The following FGFR2 variants were observed in gnomAD, a reference collection of about 807,000 sequenced individuals.
FGFR2 encodes fibroblast growth factor receptor 2, also known as BEK fibroblast growth factor receptor.
Under a neutral mutation model 95.9 loss-of-function variants are expected in FGFR2, and 19 were observed. That is an observed-to-expected ratio of 0.20 (90% confidence interval 0.14 to 0.29). The LOEUF (loss-of-function observed/expected upper bound fraction) is 0.29, where lower values mean the gene tolerates loss of function less well. FGFR2 is among the 10% of genes least tolerant of loss of function. The pLI is 1.00. For missense variants in FGFR2, 707 were observed against 1,056.9 expected (o/e 0.67, Z 4.59); for synonymous variants, 392 against 393.3 (o/e 1.00, Z 0.04).
At position 121,588,052 on chromosome 10, in the gene FGFR2, C is replaced by T. The variant is rs968696458; in HGVS notation, c.109+5657G>A. 3.9e-5 allele frequency among the ~76,000 whole-genome samples: 6 copies of T among 152,292 alleles called. No homozygotes were observed. The East Asian group carries it at 1.2e-3, about 29-fold the overall frequency. On this transcript the variant is annotated intron_variant, in intron 2 of 17. Coordinates refer to ENST00000358487, the MANE Select transcript of FGFR2 (RefSeq NM_000141.5). ...TGTAGTACATATACAACATAGAATA[C>T]TATGCAGCCATAAAAAAGAGCAAGA...
intron 2 of FGFR2, among the ~76,000 whole-genome samples, chr10:121,577,178 T>TATATATATATACAGAGAGAGAGAGAG: frequency 3.8e-4 from 2 of 5,214 alleles, no homozygotes; most frequent in African/African-American, 1.6e-3. Flanking sequence ...TATATATATA[T>TATATATATATACAGAGAGAGAGAGAG]AGAGAGAGAG....
chr10:121,577,741 C>T (rs1420107716), intron 2 of FGFR2, among the ~76,000 whole-genome samples: 1 of 152,104 alleles, frequency 6.6e-6, no homozygotes, highest in Non-Finnish European at 1.5e-5. Flanking sequence ...ACCTCCTCCC[C>T]GCAGATGCCA....
At chr10:121,537,631 C>A (rs1457220964) in intron 6 of FGFR2, among the ~76,000 whole-genome samples, 1 of 152,132 alleles carries the variant, frequency 6.6e-6, no homozygotes, top group East Asian at 1.9e-4. Flanking sequence ...TGTGGAATTA[C>A]CAACAGTCAC....
chr10:121,513,591 G>A (rs907700715), intron 9 of FGFR2, among the ~76,000 whole-genome samples: 18 of 152,120 alleles, frequency 1.2e-4, no homozygotes, highest in African/African-American at 4.3e-4. Context: ...TAGAAACCAT[G>A]TAAGAGTTAT....
At chr10:121,516,288 A>C (rs554472586) in intron 8 of FGFR2, among the ~76,000 whole-genome samples, 1 of 152,218 alleles carries the variant, frequency 6.6e-6, no homozygotes, top group Non-Finnish European at 1.5e-5. Context: ...AAGCTTCAAC[A>C]TAAGAGACAT....
chr10:121,488,338 C>T (rs1419920945), intron 13 of FGFR2, among the ~76,000 whole-genome samples: 2 of 151,882 alleles, frequency 1.3e-5, no homozygotes, highest in African/African-American at 4.8e-5. Flanking sequence ...GTCAGTAGTT[C>T]GAGACCAGCC....
intron 5 of FGFR2, among the ~76,000 whole-genome samples, chr10:121,546,408 G>A (rs1482089990): frequency 1.3e-5 from 2 of 152,172 alleles, no homozygotes; most frequent in Non-Finnish European, 2.9e-5. Flanking sequence ...TGATTAGGGA[G>A]ATAGAGTTAT....
In FGFR2 at chr10:121,530,981, A is replaced by C. The variant is rs537353092; in HGVS notation, c.748+7611T>G. Among the ~76,000 whole-genome samples, 3 of 152,290 alleles carry C rather than the reference A, an allele frequency of 2.0e-5. No individual in the cohort carries two copies. In the South Asian group the frequency reaches 6.2e-4, roughly 32 times the overall value. On this transcript the variant is annotated intron_variant, in intron 6 of 17. Transcript: ENST00000358487. ...TCTTACATAAAACTGTAAGATATTAACTTGATTTTAACACTTCTACATCCT... is the reference window on the plus strand; with the variant it reads ...TCTTACATAAAACTGTAAGATATTACCTTGATTTTAACACTTCTACATCCT...
chr10:121,493,130 A>G (rs1846350123), intron 13 of FGFR2, among the ~76,000 whole-genome samples: 1 of 152,138 alleles, frequency 6.6e-6, no homozygotes, highest in Non-Finnish European at 1.5e-5. Context: ...ATGGGGATCC[A>G]AATCCCACCT....
intron 2 of FGFR2, among the ~76,000 whole-genome samples, chr10:121,580,968 G>C (rs1025874206): frequency 1.4e-4 from 22 of 152,156 alleles, no homozygotes; most frequent in African/African-American, 4.8e-4. Flanking sequence ...CCCAGGCGAG[G>C]CACCTGGGAG....
intron 5 of FGFR2, among the ~76,000 whole-genome samples, chr10:121,540,734 G>A (rs1408671570): frequency 6.6e-6 from 1 of 152,144 alleles, no homozygotes; most frequent in East Asian, 1.9e-4. Context: ...ATGTAATCCA[G>A]CATTTATCCC....
intron 2 of FGFR2, among the ~76,000 whole-genome samples, chr10:121,571,197 A>G (rs533202027): frequency 2.0e-5 from 3 of 147,726 alleles, no homozygotes; most frequent in East Asian, 2.0e-4. Context: ...GGGTTTCACC[A>G]TGTTGGCCAG....
At chr10:121,553,807 T>TA (rs202062188) in intron 4 of FGFR2, among the ~76,000 whole-genome samples, 1,924 of 151,230 alleles carry the variant, frequency 0.013, 42 homozygotes, top group African/African-American at 0.044. Context: ...TTATGTTCCC[T>TA]AAAAAAAAAG....
intron 17 of FGFR2, chr10:121,482,284 C>G (rs752217862): frequency 5.1e-5 from 47 of 926,482 alleles, no homozygotes; most frequent in East Asian, 1.6e-4. Context: ...TTTCTTCCCC[C>G]CCTTGAACCG....
At position 121,517,823 on chromosome 10, in the gene FGFR2, G is replaced by A. The variant is rs1849899355; in HGVS notation, c.940-360C>T. Reference sequence around the variant, plus strand: ...CAAGCTGGTTCTGGTCCTGTTGGCTGCAGACTCCCACCAAGAGGAAAGGGT... The same window carrying A: ...CAAGCTGGTTCTGGTCCTGTTGGCTACAGACTCCCACCAAGAGGAAAGGGT... On this transcript the variant is annotated intron_variant, in intron 7 of 17. Transcript: ENST00000358487. This position sits in a 1 kb window ranked among gnomAD's most constrained non-coding sequence, Gnocchi z 4.7. 6.6e-6 allele frequency among the ~76,000 whole-genome samples: 1 copy of A among 151,856 alleles called. No homozygotes were observed. Among genetic ancestry groups the A allele is most frequent in the South Asian group, 2.1e-4 (1 of 4,766 alleles).
intron 13 of FGFR2, among the ~76,000 whole-genome samples, chr10:121,488,965 C>T (rs1044457772): frequency 2.6e-4 from 39 of 152,314 alleles, no homozygotes; most frequent in African/African-American, 7.5e-4. Flanking sequence ...AATTGTTAGA[C>T]GCAAATGACG....
chr10:121,561,190 C>T (rs1031961559), intron 4 of FGFR2, among the ~76,000 whole-genome samples: 11 of 152,050 alleles, frequency 7.2e-5, no homozygotes, highest in Non-Finnish European at 1.2e-4. Context: ...TTTGGGAGGC[C>T]GAGGCAGGCA....
At chr10:121,512,408 T>C (rs755856795) in intron 9 of FGFR2, among the ~76,000 whole-genome samples, 3 of 152,226 alleles carry the variant, frequency 2.0e-5, no homozygotes, top group Non-Finnish European at 2.9e-5. Context: ...TGTGTCAACA[T>C]TCCCCCCAAA....
chr10:121,510,380 C>T (rs1848898743), intron 9 of FGFR2, among the ~76,000 whole-genome samples: 1 of 152,214 alleles, frequency 6.6e-6, no homozygotes, highest in Admixed American at 6.5e-5. Context: ...AAGGGAGCAG[C>T]GAAATAGGGG....
Sources: allele counts gnomAD v4.1 joint callset (sites outside exome capture counted in the v4.1 genomes callset), GRCh38; gene constraint gnomAD v4.1.1; non-coding constraint Gnocchi (gnomAD v3.1); transcripts MANE v1.5; gene names NCBI Gene and HGNC (gene_info 2026-07-23, HGNC 2026-07-21).